Variants in COL13A1 observed in about 807,000 individuals in gnomAD.
COL13A1 encodes collagen alpha-1(XIII) chain.
COL13A1 carries 89 observed loss-of-function variants against 130.9 expected under a neutral mutation model. The observed-to-expected ratio is 0.68, with a 90% CI of 0.57 to 0.81. The LOEUF is 0.81. COL13A1 is among the 30% of genes least tolerant of loss of function. COL13A1 has a pLI of 0.00. For synonymous variants in COL13A1, 402 were observed against 341.6 expected (o/e 1.18, Z -1.95); for missense variants, 879 against 934.6 (o/e 0.94, Z 0.78).
chr10:69,875,159 G>C lies in COL13A1; in HGVS notation c.431G>C (p.Arg144Pro). 1 of 1,613,982 alleles carries C rather than the reference G, an allele frequency of 6.2e-7. No individual in the cohort carries two copies. Among genetic ancestry groups the C allele is most frequent in the East Asian group, 2.2e-5 (1 of 44,882 alleles). ...AAAGGTGCCATTGGGATGCCTGGAC[G>C]TGTGGTGAGTTGGCCCGTTTGTACC... ...GDKGAIGMPGRVGVKGQPGEK... is the reference protein window; with the variant it reads ...GDKGAIGMPGPVGVKGQPGEK... Residue 144 changes from arginine to proline, a missense_variant, in exon 5 of 41, where the codon CGT (arginine) becomes CCT (proline). Arg to Pro is a moderately radical substitution (Grantham distance 103). Coordinates refer to ENST00000645393, the MANE Select transcript of COL13A1 (RefSeq NM_001368882.1).
At chr10:69,833,002 C>T (rs1849180579) in intron 2 of COL13A1, among the ~76,000 whole-genome samples, 1 of 152,202 alleles carries the variant, frequency 6.6e-6, no homozygotes, top group Non-Finnish European at 1.5e-5. Flanking sequence ...GAACGAGGGG[C>T]AACTGCAAGT....
chr10:69,937,391 G>A (rs2067077536), intron 33 of COL13A1, among the ~76,000 whole-genome samples: 1 of 152,160 alleles, frequency 6.6e-6, no homozygotes, highest in Non-Finnish European at 1.5e-5. Context: ...CTGACCTGTG[G>A]GTTTGTCCCC....
At chr10:69,803,868 G>A (rs1840741242) in intron 1 of COL13A1, among the ~76,000 whole-genome samples, 1 of 152,186 alleles carries the variant, frequency 6.6e-6, no homozygotes. Context: ...GGTGGGTGGG[G>A]TGCTGTGAGC....
At chr10:69,855,821 G>A (rs1236014117) in intron 2 of COL13A1, among the ~76,000 whole-genome samples, 7 of 44,354 alleles carry the variant, frequency 1.6e-4, no homozygotes, top group African/African-American at 6.2e-5. Flanking sequence ...ACTTGTCATT[G>A]TTTAGTGTAC....
intron 2 of COL13A1, among the ~76,000 whole-genome samples, chr10:69,858,754 G>A (rs1589117726): frequency 6.6e-6 from 1 of 152,166 alleles, no homozygotes; most frequent in Admixed American, 6.5e-5. Context: ...ATTCTCAGCA[G>A]TCTAACCATC....
At chr10:69,911,806 C>T (rs2894280) in intron 17 of COL13A1, among the ~76,000 whole-genome samples, 6,432 of 152,344 alleles carry the variant, frequency 0.042, 216 homozygotes, top group East Asian at 0.17. Flanking sequence ...TGACTCCATC[C>T]AAATAAGTCC....
chr10:69,930,767 T>C (rs965668646), intron 30 of COL13A1, among the ~76,000 whole-genome samples: 1 of 152,220 alleles, frequency 6.6e-6, no homozygotes, highest in Admixed American at 6.5e-5. Context: ...TTGTGCTCTG[T>C]CATCTGTATC....
rs533012037 is a variant in COL13A1 at position 69,875,486 on chromosome 10, G to A, written c.435+323G>A. Among the ~76,000 whole-genome samples, 5 of 152,316 alleles carry A rather than the reference G, an allele frequency of 3.3e-5. No homozygotes were observed. The East Asian group carries it at 9.7e-4, about 29-fold the overall frequency. On this transcript the variant is annotated intron_variant, in intron 5 of 40. Coordinates refer to ENST00000645393, the MANE Select transcript of COL13A1 (RefSeq NM_001368882.1). The stretch of plus-strand genomic sequence containing the variant: ...GGAACAAACTGAGCCTCGACATTGG[G>A]AGGACTGCCACTCCGCCCCCCAAAG...
chr10:69,893,177 C>G (rs1037277900), intron 10 of COL13A1, among the ~76,000 whole-genome samples: 1 of 152,218 alleles, frequency 6.6e-6, no homozygotes, highest in African/African-American at 2.4e-5. Context: ...ATGGCAAAAC[C>G]CTGTCTCTAC....
chr10:69,932,307 G>A (rs542296053), intron 30 of COL13A1, among the ~76,000 whole-genome samples: 5 of 152,066 alleles, frequency 3.3e-5, no homozygotes, highest in Non-Finnish European at 7.4e-5. Context: ...CTTACTCCAC[G>A]GCTAAGAAAC....
In COL13A1 at chr10:69,905,773, C is replaced by T. The variant is rs757145987; in HGVS notation, c.886-14C>T. On this transcript the variant is annotated splice_polypyrimidine_tract_variant and intron_variant, in intron 16 of 40. Coordinates refer to ENST00000645393, the MANE Select transcript of COL13A1 (RefSeq NM_001368882.1). ...GGGAAAACCTCTTTAATGGCCTTCTCTTTGTTTTCCCAGGGAGACCCAGGG... is the reference window on the plus strand; with the variant it reads ...GGGAAAACCTCTTTAATGGCCTTCTTTTTGTTTTCCCAGGGAGACCCAGGG... 8 of 1,613,024 alleles carry T rather than the reference C, an allele frequency of 5.0e-6. No individual in the cohort carries two copies. The highest frequency in any genetic ancestry group is 6.8e-6 in the Non-Finnish European group (8 of 1,179,642).
At chr10:69,913,374 C>T (rs1211652889) in intron 17 of COL13A1, among the ~76,000 whole-genome samples, 1 of 152,208 alleles carries the variant, frequency 6.6e-6, no homozygotes, top group Non-Finnish European at 1.5e-5. Context: ...GGCCTGTGGG[C>T]TTTGCTGGAC....
chr10:69,847,648 T>C (rs1853521981), intron 2 of COL13A1, among the ~76,000 whole-genome samples: 1 of 152,240 alleles, frequency 6.6e-6, no homozygotes, highest in Non-Finnish European at 1.5e-5. Flanking sequence ...TAACAGGGTC[T>C]GTATATAAGC....
chr10:69,810,227 C>G (rs1457965566), intron 1 of COL13A1, among the ~76,000 whole-genome samples: 1 of 152,132 alleles, frequency 6.6e-6, no homozygotes, highest in African/African-American at 2.4e-5. Flanking sequence ...TTTCAAAACA[C>G]GCCAGGCCAA....
chr10:69,836,036 A>G (rs1368032633), intron 2 of COL13A1, among the ~76,000 whole-genome samples: 10 of 152,134 alleles, frequency 6.6e-5, no homozygotes, highest in Non-Finnish European at 1.0e-4. Flanking sequence ...GAATTTAAGT[A>G]GTCTGAGTCT....
At chr10:69,890,925 G>A (rs183128765) in intron 10 of COL13A1, among the ~76,000 whole-genome samples, 1 of 152,326 alleles carries the variant, frequency 6.6e-6, no homozygotes, top group East Asian at 1.9e-4. Flanking sequence ...TCCAAAACAA[G>A]ATCGAAACAC....
chr10:69,951,302 T>C (rs2069524669), intron 38 of COL13A1, among the ~76,000 whole-genome samples: 1 of 152,224 alleles, frequency 6.6e-6, no homozygotes, highest in Non-Finnish European at 1.5e-5. Flanking sequence ...ATGAAGCAGC[T>C]ATCGTTTACT....
At position 69,807,807 on chromosome 10, in the gene COL13A1, CCTT is replaced by C. The variant is rs542083404; in HGVS notation, c.294+5092_294+5094del. On this transcript the variant is annotated intron_variant, in intron 1 of 40. Coordinates refer to ENST00000645393, the MANE Select transcript of COL13A1 (RefSeq NM_001368882.1). Reference sequence around the variant, plus strand: ...GATCCAGACCCCAGCAGGCATCTCTCCTTCACCACACCTTCCCCTTTCCAGACA... The same window carrying C: ...GATCCAGACCCCAGCAGGCATCTCTCCACCACACCTTCCCCTTTCCAGACA... 5.3e-5 allele frequency among the ~76,000 whole-genome samples: 8 copies of C among 152,264 alleles called. 1 individual carries two copies. The East Asian group carries it at 1.5e-3, about 29-fold the overall frequency.
intron 34 of COL13A1, 141 bp downstream of exon 34, chr10:69,937,856 C>T (rs1201899919): frequency 5.1e-6 from 3 of 591,656 alleles, no homozygotes; most frequent in Admixed American, 3.1e-5. Context: ...CCCACCTGGG[C>T]AAGACCACAG....
Sources: gnomAD v4.1 joint callset for allele counts (sites outside exome capture counted in the v4.1 genomes callset) on GRCh38, gnomAD v4.1.1 for gene constraint, MANE v1.5 for transcripts, NCBI Gene and HGNC (gene_info 2026-07-23, HGNC 2026-07-21) for gene names.